Variants in TBC1D8B observed in about 807,000 individuals in gnomAD.
The protein encoded by TBC1D8B is TBC1 domain family member 8B.
A neutral mutation model predicts 82.9 loss-of-function variants in TBC1D8B; 75 were observed. That is an observed-to-expected ratio of 0.90 (90% confidence interval 0.75 to 1.10). The LOEUF (loss-of-function observed/expected upper bound fraction) is 1.10. Ranked by LOEUF, TBC1D8B falls within the 50% of genes least tolerant of loss-of-function variation. TBC1D8B has a pLI of 0.00. For synonymous variants in TBC1D8B, 276 were observed against 276.8 expected (o/e 1.00, Z 0.03); for missense variants, 794 against 796.9 (o/e 1.00, Z 0.04).
At chrX:106,855,446 G>A (rs978011567) in intron 14 of TBC1D8B, among the ~76,000 whole-genome samples, 1 of 111,971 alleles carries the variant, frequency 8.9e-6, no homozygotes, top group Admixed American at 9.5e-5. Context: ...CTGCACACAT[G>A]CATGTGTATT....
chrX:106,872,767 T>C (rs1177741434), intron 20 of TBC1D8B, among the ~76,000 whole-genome samples: 1 of 109,770 alleles, frequency 9.1e-6, no homozygotes, highest in African/African-American at 3.3e-5. Flanking sequence ...GCTAGGAGTT[T>C]GAGATCAGCC....
At chrX:106,856,832 C>T (rs1932707495) in intron 14 of TBC1D8B, among the ~76,000 whole-genome samples, 1 of 111,281 alleles carries the variant, frequency 9.0e-6, no homozygotes, top group African/African-American at 3.3e-5. Flanking sequence ...TATTCTACCC[C>T]TATATATTTT....
At chrX:106,848,870 C>T (rs891399234) in intron 11 of TBC1D8B, among the ~76,000 whole-genome samples, 9 of 109,804 alleles carry the variant, frequency 8.2e-5, no homozygotes, top group South Asian at 7.9e-4. Flanking sequence ...CCTGGGTTCA[C>T]GCCATTCTCC....
chrX:106,852,088 C>A (rs748820533), intron 12 of TBC1D8B, among the ~76,000 whole-genome samples: 2,293 of 108,456 alleles, frequency 0.021, 71 homozygotes, highest in African/African-American at 0.074. Flanking sequence ...TGTTTCCTGA[C>A]TTTTTAATGA....
At chrX:106,830,338 C>T (rs1932001828) in intron 7 of TBC1D8B, among the ~76,000 whole-genome samples, 1 of 111,706 alleles carries the variant, frequency 9.0e-6, no homozygotes, top group South Asian at 3.8e-4. Flanking sequence ...CACTTTTACA[C>T]TGTTGGTGGG....
At chrX:106,811,998 T>TTA (rs758392404) in intron 1 of TBC1D8B, among the ~76,000 whole-genome samples, 6 of 111,212 alleles carry the variant, frequency 5.4e-5, no homozygotes, top group East Asian at 2.8e-4. Context: ...AAATGAGTGC[T>TTA]TATATATATA....
At chrX:106,835,043 CTA>C (rs1282396351) in intron 7 of TBC1D8B, among the ~76,000 whole-genome samples, 1 of 112,178 alleles carries the variant, frequency 8.9e-6, no homozygotes, top group African/African-American at 3.2e-5. Context: ...AATGGGGACT[CTA>C]TGTGGGGGCT....
At position 106,840,167 on chromosome X, in the gene TBC1D8B, A is replaced by T; in HGVS notation, c.1473A>T (p.Thr491=). ...RDLVVRGIPE[T]LRGELWMLFS... ...TTGTTGTAAGAGGGATTCCAGAAACATTAAGAGGAGAACTCTGGATGCTTT... is the reference window on the plus strand; with the variant it reads ...TTGTTGTAAGAGGGATTCCAGAAACTTTAAGAGGAGAACTCTGGATGCTTT... Residue 491 remains threonine, a synonymous_variant, in exon 9 of 21, where the codon ACA becomes ACT. Transcript: ENST00000357242. The T allele has an allele frequency of 8.3e-7, 1 of 1,210,079 alleles. No individual in the cohort carries two copies. Among genetic ancestry groups the T allele is most frequent in the Non-Finnish European group, 1.1e-6 (1 of 894,756 alleles).
chrX:106,840,441 G>C (rs750782802), intron 9 of TBC1D8B, among the ~76,000 whole-genome samples: 1 of 111,414 alleles, frequency 9.0e-6, no homozygotes, highest in Non-Finnish European at 1.9e-5. Context: ...GGAATCTTTA[G>C]TGTCAACAGT....
intron 14 of TBC1D8B, among the ~76,000 whole-genome samples, chrX:106,858,010 G>A (rs193161904): frequency 8.9e-6 from 1 of 112,313 alleles, no homozygotes; most frequent in Admixed American, 9.4e-5. Context: ...CACAGTGGCT[G>A]ACTTAATTTA....
At chrX:106,840,633 C>T (rs916223188) in intron 9 of TBC1D8B, 37 bp from the exon 10 acceptor site, 4 of 1,113,817 alleles carry the variant, frequency 3.6e-6, no homozygotes, top group African/African-American at 3.6e-5. Context: ...TCATTATATC[C>T]ACCTTCTGTT....
Position 106,866,865 on chromosome X carries a change from A to G in TBC1D8B, c.2728+3A>G. 1 of 1,162,850 alleles carries G rather than the reference A, an allele frequency of 8.6e-7. No homozygotes were observed. Among genetic ancestry groups the G allele is most frequent in the Non-Finnish European group, 1.2e-6 (1 of 863,020 alleles). On this transcript the variant is annotated splice_donor_region_variant and intron_variant, in intron 17 of 20. Transcript: ENST00000357242. ...TTTTAAGCTACATATTCCTCCAGGTAAGAGTTTACCAGTCTTTAACGATGT... is the reference window on the plus strand; with the variant it reads ...TTTTAAGCTACATATTCCTCCAGGTGAGAGTTTACCAGTCTTTAACGATGT...
chrX:106,830,868 C>G (rs975301407), intron 7 of TBC1D8B, among the ~76,000 whole-genome samples: 1 of 107,533 alleles, frequency 9.3e-6, no homozygotes, highest in South Asian at 4.2e-4. Context: ...GTGGGTGCAG[C>G]GCACCAGCAT....
chrX:106,860,125 T>C (rs1932759541), intron 14 of TBC1D8B, among the ~76,000 whole-genome samples: 1 of 111,633 alleles, frequency 9.0e-6, no homozygotes, highest in Non-Finnish European at 1.9e-5. Context: ...GCATCTGTTC[T>C]CCTCAAGGAT....
intron 13 of TBC1D8B, among the ~76,000 whole-genome samples, chrX:106,853,915 G>T (rs1932644991): frequency 2.7e-5 from 3 of 111,402 alleles, no homozygotes; most frequent in Admixed American, 1.9e-4. Context: ...TGGATTAAAA[G>T]GTGAATTATT....
In TBC1D8B at chrX:106,849,220, AT is replaced by A. The variant is rs761948032; in HGVS notation, c.1838-783del. The A allele has an allele frequency of 0.21, 159,350 of 762,289 alleles. 129 individuals are homozygous for A. Among genetic ancestry groups the A allele is most frequent in the Non-Finnish European group, 0.23 (130,813 of 575,912 alleles). The allele number at this position is 762,289 out of a possible 1,213,427, so 62.8% of individuals were successfully genotyped here. Reference sequence around the variant, plus strand: ...TGTCTTTCATTATAATTATTTGTGTATTTTTTTTTTTTTTTTTTTTTTAGGT... The same window carrying A: ...TGTCTTTCATTATAATTATTTGTGTATTTTTTTTTTTTTTTTTTTTTAGGT... On this transcript the variant is annotated intron_variant, in intron 11 of 20. Transcript: ENST00000357242.
At chrX:106,817,747 A>G (rs1469184063) in intron 1 of TBC1D8B, among the ~76,000 whole-genome samples, 1 of 111,437 alleles carries the variant, frequency 9.0e-6, no homozygotes, top group African/African-American at 3.3e-5. Context: ...AATGGAAAGT[A>G]TTATTGCTTG....
chrX:106,832,693 T>C (rs1932075756), intron 7 of TBC1D8B, among the ~76,000 whole-genome samples: 1 of 111,669 alleles, frequency 9.0e-6, no homozygotes, highest in Non-Finnish European at 1.9e-5. Context: ...AAACATAACT[T>C]GTTTCATATA....
chrX:106,830,361 T>C (rs1295156477), intron 7 of TBC1D8B, among the ~76,000 whole-genome samples: 2 of 111,585 alleles, frequency 1.8e-5, no homozygotes, highest in Non-Finnish European at 3.8e-5. Flanking sequence ...TGTAAACTAG[T>C]TCAACCATTG....
Sources: gnomAD v4.1 joint callset for allele counts (sites outside exome capture counted in the v4.1 genomes callset) on GRCh38, gnomAD v4.1.1 for gene constraint, MANE v1.5 for transcripts, NCBI Gene and HGNC (gene_info 2026-07-23, HGNC 2026-07-21) for gene names.